Variants in GBF1 observed in about 807,000 individuals in gnomAD.
GBF1 encodes golgi brefeldin A resistant guanine nucleotide exchange factor 1, also known as Golgi-specific brefeldin A-resistance guanine nucleotide exchange factor 1.
GBF1 carries 114 observed loss-of-function variants against 210.5 expected under a neutral mutation model. The observed-to-expected ratio is 0.54, with a 90% CI of 0.47 to 0.63. The LOEUF is 0.63. GBF1 is among the 30% of genes least tolerant of loss of function. GBF1 has a pLI of 0.00. For missense variants in GBF1, 1,851 were observed against 2,357.7 expected (o/e 0.79, Z 4.45); for synonymous variants, 850 against 889.2 (o/e 0.96, Z 0.78).
chr10:102,351,642 G>A (rs1160531579), intron 5 of GBF1, among the ~76,000 whole-genome samples: 1 of 152,160 alleles, frequency 6.6e-6, no homozygotes. Context: ...TCCATCTCTT[G>A]GGCTCATGGG....
chr10:102,372,051 A>G (rs1263821761), intron 29 of GBF1, among the ~76,000 whole-genome samples: 1 of 151,844 alleles, frequency 6.6e-6, no homozygotes, highest in Non-Finnish European at 1.5e-5. Flanking sequence ...CCCCGTCTCT[A>G]CTAAAAATAG....
At chr10:102,290,190 CTTA>C (rs951711855) in intron 3 of GBF1, among the ~76,000 whole-genome samples, 11 of 152,002 alleles carry the variant, frequency 7.2e-5, no homozygotes, top group East Asian at 3.9e-4. Context: ...ATCAGTATGC[CTTA>C]TTATTATTTT....
At chr10:102,301,761 G>C (rs1000706265) in intron 3 of GBF1, among the ~76,000 whole-genome samples, 11 of 152,202 alleles carry the variant, frequency 7.2e-5, no homozygotes, top group African/African-American at 2.6e-4. Flanking sequence ...GCCGGGAAGA[G>C]GCGCTCCTCA....
the GBF1 span, among the ~76,000 whole-genome samples, chr10:102,233,662 CA>C: frequency 6.6e-6 from 1 of 152,142 alleles, no homozygotes; most frequent in Non-Finnish European, 1.5e-5. Flanking sequence ...AGATCAAACA[CA>C]AGTATAAAAA....
intron 33 of GBF1, among the ~76,000 whole-genome samples, chr10:102,378,739 G>T (rs1387262307): frequency 1.3e-5 from 2 of 152,164 alleles, no homozygotes; most frequent in African/African-American, 4.8e-5. Context: ...CTCAAGATCA[G>T]CCTGGGCAAC....
chr10:102,322,944 A>G (rs2056551458), intron 3 of GBF1, among the ~76,000 whole-genome samples: 1 of 152,070 alleles, frequency 6.6e-6, no homozygotes, highest in African/African-American at 2.4e-5. Context: ...GAAGAAGACA[A>G]AGAAGAGCCA....
At chr10:102,299,203 C>G (rs1042371544) in intron 3 of GBF1, among the ~76,000 whole-genome samples, 1 of 152,076 alleles carries the variant, frequency 6.6e-6, no homozygotes, top group African/African-American at 2.4e-5. Flanking sequence ...CATGCAATAA[C>G]CTAGGTGGAT....
intron 3 of GBF1, among the ~76,000 whole-genome samples, chr10:102,264,284 C>T (rs1306433377): frequency 2.6e-5 from 4 of 152,178 alleles, no homozygotes; most frequent in African/African-American, 4.8e-5. Context: ...GGACCCATTA[C>T]CCAGCAAAGG....
chr10:102,368,779 G>C lies in GBF1; in HGVS notation c.2920G>C (p.Val974Leu). Reference protein sequence around the residue: ...MISAHYGLSDVFDNLIISLCK... With the variant: ...MISAHYGLSDLFDNLIISLCK... Reference sequence around the variant, plus strand: ...CTCCGCCCACTATGGCCTCAGCGATGTGTTTGACAATCTCATCATCTCTCT... The same window carrying C: ...CTCCGCCCACTATGGCCTCAGCGATCTGTTTGACAATCTCATCATCTCTCT... The change falls in exon 23 of 40, where the codon GTG (valine) becomes CTG (leucine). Residue 974 changes from valine to leucine, a missense_variant. Around this residue, in one of 3 missense-constraint regions of GBF1, gnomAD observed 967 missense variants for 1,247.7 expected, o/e 0.78. Transcript: ENST00000369983. 6.2e-7 allele frequency: 1 copy of C among 1,613,736 alleles called. No homozygotes were observed. Among genetic ancestry groups the C allele is most frequent in the Non-Finnish European group, 8.5e-7 (1 of 1,179,634 alleles).
At chr10:102,256,000 C>T (rs1482026719) in intron 1 of GBF1, among the ~76,000 whole-genome samples, 3 of 152,210 alleles carry the variant, frequency 2.0e-5, no homozygotes, top group African/African-American at 7.2e-5. Context: ...GGCTTGAGTG[C>T]AGTGGCACGA....
In GBF1 at chr10:102,351,280, A is replaced by T. The variant is rs762906316; in HGVS notation, c.320A>T (p.Glu107Val). 4 of 1,604,308 alleles carry T rather than the reference A, an allele frequency of 2.5e-6. No individual in the cohort carries two copies. The highest frequency in any genetic ancestry group is 3.3e-5 in the Admixed American group (2 of 60,002). The change falls in exon 5 of 40, where the codon GAG becomes GTG. Residue 107 changes from glutamate (E) to valine (V), a missense_variant. Glu to Val is a moderately radical substitution (Grantham distance 121). Around this residue, in one of 3 missense-constraint regions of GBF1, gnomAD observed 804 missense variants for 958.6 expected, o/e 0.84. Transcript: ENST00000369983. Reference sequence around the variant, plus strand: ...GATCCCACCCATGAGGGCACAGCAGAGGGCATGGAGAACATGGCAGATGCT... The same window carrying T: ...GATCCCACCCATGAGGGCACAGCAGTGGGCATGGAGAACATGGCAGATGCT... ...LIDPTHEGTA[E>V]GMENMADAVT...
At chr10:102,244,059 G>A (rs1373688914), upstream of GBF1, among the ~76,000 whole-genome samples, 1 of 152,196 alleles carries the variant, frequency 6.6e-6, no homozygotes, top group East Asian at 1.9e-4. Flanking sequence ...GAACCCAGGA[G>A]GTGGAGGTTG....
At chr10:102,297,096 C>A (rs1485468052) in intron 3 of GBF1, among the ~76,000 whole-genome samples, 4 of 151,540 alleles carry the variant, frequency 2.6e-5, no homozygotes, top group Non-Finnish European at 5.9e-5. Context: ...AAGTTATAAG[C>A]ATAAGACTTA....
chr10:102,246,652 G>T (rs765919034), intron 1 of GBF1, among the ~76,000 whole-genome samples: 10 of 152,216 alleles, frequency 6.6e-5, no homozygotes, highest in Non-Finnish European at 1.2e-4. Context: ...GCCAATTGTA[G>T]GGTCAGAGCC....
At chr10:102,315,801 G>C (rs2078881633) in intron 3 of GBF1, among the ~76,000 whole-genome samples, 1 of 152,120 alleles carries the variant, frequency 6.6e-6, no homozygotes, top group Non-Finnish European at 1.5e-5. Flanking sequence ...GGGGACCCCT[G>C]CTGTAGGTAA....
chr10:102,260,476 C>CTTTTTTTT (rs60452124), intron 3 of GBF1, among the ~76,000 whole-genome samples: 15 of 72,428 alleles, frequency 2.1e-4, no homozygotes, highest in Non-Finnish European at 3.1e-4. Flanking sequence ...TTCCTTTCTT[C>CTTTTTTTT]TTTTTTTTTT....
chr10:102,365,326 G>A (rs964618117), intron 17 of GBF1, 71 bp from the exon 18 acceptor site: 2 of 1,164,698 alleles, frequency 1.7e-6, no homozygotes, highest in African/African-American at 1.5e-5. Flanking sequence ...GTGGGCTATG[G>A]TGGACTCCAG....
In GBF1 at chr10:102,366,969, T is replaced by C; in HGVS notation, c.2434-116T>C. On this transcript the variant is annotated intron_variant, in intron 19 of 39. Transcript: ENST00000369983. The surrounding 1 kb of genome is among the most constrained non-coding windows in gnomAD (Gnocchi z 4.0). ...TTCTGTTAAGGAGTTGGCAAGAGAC[T>C]GGCCACTTTCTGGATGGTACCTCTC... 1.8e-6 allele frequency: 2 copies of C among 1,129,002 alleles called. No individual in the cohort carries two copies. Among genetic ancestry groups the C allele is most frequent in the Non-Finnish European group, 2.6e-6 (2 of 777,902 alleles). 69.9% of individuals were successfully genotyped at this position (1,129,002 alleles called of 1,614,324 possible). A position where few individuals can be genotyped will look rare whatever the true frequency, so the allele number is the denominator to read the frequency against.
upstream of GBF1, chr10:102,245,451 T>C (rs1343297707): frequency 1.3e-5 from 2 of 152,270 alleles, no homozygotes; most frequent in East Asian, 3.8e-4. Flanking sequence ...GTCGGAATGC[T>C]ACTTTTCACG....
Sources: allele counts gnomAD v4.1 joint callset (sites outside exome capture counted in the v4.1 genomes callset), GRCh38; gene constraint gnomAD v4.1.1; regional missense constraint gnomAD v4.1.1; non-coding constraint Gnocchi (gnomAD v3.1); transcripts MANE v1.5; gene names NCBI Gene and HGNC (gene_info 2026-07-23, HGNC 2026-07-21).